ROBO1: variants seen among roughly 807,000 people sequenced by gnomAD.
ROBO1 encodes the protein roundabout homolog 1.
ROBO1 carries 149 observed loss-of-function variants against 195.9 expected under a neutral mutation model. The observed-to-expected ratio is 0.76, with a 90% CI of 0.67 to 0.87. The LOEUF is 0.87. Among genes scored for constraint, ROBO1 ranks in the 40% least tolerant of loss-of-function variants. The pLI is 0.00. For synonymous variants in ROBO1, 816 were observed against 733.2 expected, an observed-to-expected ratio of 1.11 and a Z score of -1.82; for missense variants, 1,933 against 2,068.3, an observed-to-expected ratio of 0.93 and a Z score of 1.27.
chr3:79,720,670 T>C (rs1194968796), intron 1 of ROBO1, among the ~76,000 whole-genome samples: 1 of 152,176 alleles, frequency 6.6e-6, no homozygotes. Context: ...TGCTCAAGAT[T>C]TCTGTTACAT....
intron 8 of ROBO1, among the ~76,000 whole-genome samples, chr3:78,704,661 C>CAAAAAAAAAA (rs1160098731): frequency 1.6e-5 from 1 of 61,690 alleles, no homozygotes; most frequent in African/African-American, 5.3e-5. Context: ...CTCATCTCTC[C>CAAAAAAAAAA]AAAAAAAAAA....
intron 2 of ROBO1, among the ~76,000 whole-genome samples, chr3:79,314,264 G>A (rs1011584342): frequency 1.3e-5 from 2 of 152,022 alleles, no homozygotes; most frequent in Non-Finnish European, 1.5e-5. Context: ...AGACTGATAG[G>A]GTTTGGCTGT....
intron 4 of ROBO1, among the ~76,000 whole-genome samples, chr3:78,828,211 A>C (rs1464575424): frequency 6.6e-6 from 1 of 152,196 alleles, no homozygotes; most frequent in East Asian, 1.9e-4. Flanking sequence ...TTCTCAGCAT[A>C]AACTTCATTT....
intron 3 of ROBO1, among the ~76,000 whole-genome samples, chr3:79,048,314 A>G (rs1388543929): frequency 6.6e-6 from 1 of 152,020 alleles, no homozygotes; most frequent in Non-Finnish European, 1.5e-5. Flanking sequence ...TAGATTTTTA[A>G]ACCTCAGTTC....
intron 2 of ROBO1, among the ~76,000 whole-genome samples, chr3:79,291,720 A>G (rs541837738): frequency 1.3e-5 from 2 of 152,310 alleles, no homozygotes; most frequent in South Asian, 4.1e-4. Context: ...AATTCTGGTT[A>G]CTTTTGGGCA....
chr3:79,100,306 T>C (rs1180495612), intron 3 of ROBO1, among the ~76,000 whole-genome samples: 1 of 151,894 alleles, frequency 6.6e-6, no homozygotes, highest in African/African-American at 2.4e-5. Context: ...TATTTCTCTC[T>C]TTCATGGAGA....
intron 3 of ROBO1, among the ~76,000 whole-genome samples, chr3:78,981,105 A>T (rs1287621063): frequency 6.6e-6 from 1 of 152,170 alleles, no homozygotes; most frequent in Non-Finnish European, 1.5e-5. Flanking sequence ...TAAAATGTTT[A>T]AAAAAATTCG....
At chr3:79,600,278 T>TGTTCTAATAAGA (rs1224139496) in intron 1 of ROBO1, among the ~76,000 whole-genome samples, 2 of 152,134 alleles carry the variant, frequency 1.3e-5, no homozygotes, top group African/African-American at 4.8e-5. Flanking sequence ...TTCTAATAAG[T>TGTTCTAATAAGA]GTTGCCTCTG....
chr3:79,373,979 G>A (rs567129878), intron 2 of ROBO1, among the ~76,000 whole-genome samples: 1 of 152,184 alleles, frequency 6.6e-6, no homozygotes, highest in African/African-American at 2.4e-5. Flanking sequence ...TTGACTATTT[G>A]ATAGGACCAT....
chr3:79,269,841 C>T (rs2030358809), intron 2 of ROBO1, among the ~76,000 whole-genome samples: 1 of 151,650 alleles, frequency 6.6e-6, no homozygotes, highest in African/African-American at 2.4e-5. Context: ...CATTTCCCCC[C>T]TAAAATCCTA....
intron 2 of ROBO1, among the ~76,000 whole-genome samples, chr3:79,508,753 C>T (rs1001934175): frequency 6.6e-6 from 1 of 152,146 alleles, no homozygotes; most frequent in African/African-American, 2.4e-5. Context: ...AGAGTCTGCT[C>T]ATCAAAATAA....
intron 2 of ROBO1, among the ~76,000 whole-genome samples, chr3:79,201,797 C>G (rs1426287268): frequency 5.3e-5 from 8 of 151,442 alleles, no homozygotes; most frequent in African/African-American, 1.7e-4. Flanking sequence ...CACTTAGCAC[C>G]TAATAAATAT....
chr3:79,687,354 A>G (rs1042180839), intron 1 of ROBO1, among the ~76,000 whole-genome samples: 3 of 152,190 alleles, frequency 2.0e-5, no homozygotes, highest in African/African-American at 7.2e-5. Context: ...AATGGCAACA[A>G]AAGCCAAAAT....
rs896664397 is a variant in ROBO1, at chr3:79,599,893, ATTTT to A, written c.-50-9936_-50-9933del. 5.3e-5 allele frequency among the ~76,000 whole-genome samples: 8 copies of A among 151,990 alleles called. No individual in the cohort carries two copies. In the East Asian group the frequency reaches 1.6e-3, roughly 30 times the overall value. On this transcript the variant is annotated intron_variant, in intron 1 of 30. Coordinates refer to ENST00000464233, the MANE Select transcript of ROBO1 (RefSeq NM_002941.4). ...AAGTAATAAAATATAGTCTATCCAA[ATTTT>A]TTTCTTTTTCTTTCTTATTTTATAG... is the stretch of plus-strand genomic sequence containing the variant.
At chr3:78,941,410 T>C (rs1269940119) in intron 3 of ROBO1, among the ~76,000 whole-genome samples, 1 of 152,232 alleles carries the variant, frequency 6.6e-6, no homozygotes, top group Non-Finnish European at 1.5e-5. Context: ...TTAAGTATTG[T>C]AATATGTTCT....
At chr3:79,436,672 G>A (rs1418383862) in intron 2 of ROBO1, among the ~76,000 whole-genome samples, 2 of 152,046 alleles carry the variant, frequency 1.3e-5, no homozygotes, top group Non-Finnish European at 2.9e-5. Flanking sequence ...TTGATACAGT[G>A]TGAGATATTT....
At chr3:79,349,507 A>T (rs1416300358) in intron 2 of ROBO1, among the ~76,000 whole-genome samples, 1 of 152,186 alleles carries the variant, frequency 6.6e-6, no homozygotes, top group Non-Finnish European at 1.5e-5. Context: ...AGAAACTAAG[A>T]CTAATTAAAA....
At chr3:79,700,884 C>A (rs1457587720) in intron 1 of ROBO1, among the ~76,000 whole-genome samples, 1 of 151,574 alleles carries the variant, frequency 6.6e-6, no homozygotes, top group Non-Finnish European at 1.5e-5. Flanking sequence ...GAGGACTTAG[C>A]CATAAATTCT....
chr3:78,680,144 G>A (rs1161326395), intron 10 of ROBO1, among the ~76,000 whole-genome samples: 1 of 152,108 alleles, frequency 6.6e-6, no homozygotes, highest in Non-Finnish European at 1.5e-5. Flanking sequence ...GAAAGCTGAA[G>A]CTGGATCCCT....
Sources: allele counts gnomAD v4.1 joint callset (sites outside exome capture counted in the v4.1 genomes callset), GRCh38; gene constraint gnomAD v4.1.1; transcripts MANE v1.5; gene names NCBI Gene and HGNC (gene_info 2026-07-23, HGNC 2026-07-21).